Variants in PTPRD observed in about 807,000 individuals in gnomAD.
The protein encoded by PTPRD is protein tyrosine phosphatase receptor type D.
PTPRD carries 34 observed loss-of-function variants against 214.5 expected under a neutral mutation model. The observed-to-expected ratio is 0.16, with a 90% CI of 0.12 to 0.21. The LOEUF is 0.21. PTPRD is among the 10% of genes least tolerant of loss of function. PTPRD has a pLI of 1.00. For missense variants in PTPRD, 2,545 were observed against 2,398.7 expected, an observed-to-expected ratio of 1.06 and a Z score of -1.27; for synonymous variants, 1,128 against 845.7, an observed-to-expected ratio of 1.33 and a Z score of -5.79.
At chr9:8,453,366 G>C (rs532307626) in intron 33 of PTPRD, among the ~76,000 whole-genome samples, 1 of 151,784 alleles carries the variant, frequency 6.6e-6, no homozygotes, top group Non-Finnish European at 1.5e-5. Context: ...TGGTTTCGCC[G>C]TGTTAGTCAG....
intron 7 of PTPRD, among the ~76,000 whole-genome samples, chr9:9,600,583 A>G (rs540630689): frequency 6.6e-6 from 1 of 152,240 alleles, no homozygotes; most frequent in South Asian, 2.1e-4. Context: ...TAGTTTGGGT[A>G]TCTGTCTGTC....
At chr9:10,553,587 A>C (rs2061826019) in intron 2 of PTPRD, among the ~76,000 whole-genome samples, 3 of 152,140 alleles carry the variant, frequency 2.0e-5, no homozygotes, top group African/African-American at 7.2e-5. Context: ...AAATCATTTC[A>C]TATGCAACTG....
chr9:9,545,596 C>T (rs547181842), intron 8 of PTPRD, among the ~76,000 whole-genome samples: 3 of 151,750 alleles, frequency 2.0e-5, no homozygotes, highest in Non-Finnish European at 4.4e-5. Context: ...TTTGCATGGA[C>T]CAAAATTTTT....
intron 9 of PTPRD, among the ~76,000 whole-genome samples, chr9:9,217,572 C>G (rs2099953128): frequency 6.6e-6 from 1 of 152,158 alleles, no homozygotes; most frequent in Non-Finnish European, 1.5e-5. Context: ...AGGACTCCAT[C>G]TACACAGCTA....
rs187386884 is a variant in PTPRD, at chr9:8,732,720, C to A, written c.64+1060G>T. Among the ~76,000 whole-genome samples the A allele has an allele frequency of 3.3e-5, 5 of 152,224 alleles. No individual in the cohort carries two copies. The East Asian group carries it at 7.7e-4, about 23-fold the overall frequency. On this transcript the variant is annotated intron_variant, in intron 12 of 45. Transcript: ENST00000381196. ...GTTATTCCTTTCACTTCTCAAAATA[C>A]CTCTTTAGAAAATAGAGCTCCTATT...
chr9:10,582,847 G>T (rs10809124), intron 2 of PTPRD, among the ~76,000 whole-genome samples: 25,805 of 152,138 alleles, frequency 0.17, 2,611 homozygotes, highest in South Asian at 0.25. Flanking sequence ...AACTAACCTA[G>T]AAAACTACGT....
chr9:9,601,154 G>C (rs932608339), intron 7 of PTPRD, among the ~76,000 whole-genome samples: 10 of 94,194 alleles, frequency 1.1e-4, no homozygotes, highest in Admixed American at 7.7e-4. Flanking sequence ...TGTGTGTATG[G>C]GGGGGGGAGA....
chr9:10,571,755 C>G (rs1212070088), intron 2 of PTPRD, among the ~76,000 whole-genome samples: 2 of 152,178 alleles, frequency 1.3e-5, no homozygotes, highest in African/African-American at 4.8e-5. Context: ...ATTGTTCCAC[C>G]TCAGATCATC....
intron 10 of PTPRD, among the ~76,000 whole-genome samples, chr9:9,095,389 G>T (rs2099782037): frequency 6.6e-6 from 1 of 152,164 alleles, no homozygotes; most frequent in African/African-American, 2.4e-5. Flanking sequence ...TTGAACTAGG[G>T]TTGCAGAATA....
At chr9:9,083,793 T>A (rs953219846) in intron 10 of PTPRD, among the ~76,000 whole-genome samples, 1 of 151,872 alleles carries the variant, frequency 6.6e-6, no homozygotes, top group Non-Finnish European at 1.5e-5. Context: ...CCAAAAAACA[T>A]ATGAAAAAAA....
Position 10,183,028 on chromosome 9 carries a change from G to C in PTPRD, c.-544-149238C>G, listed in dbSNP as rs1000868075. On this transcript the variant is annotated intron_variant, in intron 3 of 45. Coordinates refer to ENST00000381196, the MANE Select transcript of PTPRD (RefSeq NM_002839.4). ...TCTCTTGCTGTCTACATTTTAAAAA[G>C]GTAAGTGGGGATAATAATGATTTTA... 6.6e-5 allele frequency among the ~76,000 whole-genome samples: 10 copies of C among 152,136 alleles called. No homozygotes were observed. The East Asian group carries it at 1.9e-3, about 29-fold the overall frequency.
intron 9 of PTPRD, among the ~76,000 whole-genome samples, chr9:9,285,915 T>C (rs1197492471): frequency 6.6e-6 from 1 of 151,776 alleles, no homozygotes; most frequent in Non-Finnish European, 1.5e-5. Flanking sequence ...AATTAGTGTA[T>C]CTTCTCAGTC....
At chr9:8,759,221 T>G (rs2094240118) in intron 11 of PTPRD, among the ~76,000 whole-genome samples, 1 of 152,052 alleles carries the variant, frequency 6.6e-6, no homozygotes, top group Admixed American at 6.6e-5. Flanking sequence ...AAGGTTTAAC[T>G]TTTTTATTTT....
intron 9 of PTPRD, among the ~76,000 whole-genome samples, chr9:9,264,014 C>T (rs774508407): frequency 2.9e-4 from 44 of 151,650 alleles, no homozygotes; most frequent in Admixed American, 2.8e-3. Context: ...GAAACCCTAA[C>T]CAGTTTGTTT....
intron 11 of PTPRD, among the ~76,000 whole-genome samples, chr9:8,969,485 T>C (rs1267405729): frequency 1.3e-5 from 2 of 152,086 alleles, no homozygotes; most frequent in East Asian, 1.9e-4. Context: ...AATGTAATAG[T>C]TTCATATTAT....
chr9:10,438,283 C>T (rs2098735796), intron 2 of PTPRD, among the ~76,000 whole-genome samples: 1 of 151,344 alleles, frequency 6.6e-6, no homozygotes, highest in Non-Finnish European at 1.5e-5. Context: ...TGTCAAGGAG[C>T]ATCTGGAATT....
intron 44 of PTPRD, among the ~76,000 whole-genome samples, chr9:8,328,399 T>A (rs1179721699): frequency 1.3e-5 from 2 of 152,190 alleles, no homozygotes; most frequent in Non-Finnish European, 2.9e-5. Context: ...GTTAGTCTGA[T>A]GTGCTTCCCT....
intron 12 of PTPRD, among the ~76,000 whole-genome samples, chr9:8,664,637 G>C (rs1271561008): frequency 6.6e-6 from 1 of 152,164 alleles, no homozygotes; most frequent in African/African-American, 2.4e-5. Flanking sequence ...GATAGCTCTG[G>C]TGTTTATGGT....
At chr9:10,145,766 A>G (rs1446346595) in intron 3 of PTPRD, among the ~76,000 whole-genome samples, 1 of 152,154 alleles carries the variant, frequency 6.6e-6, no homozygotes, top group Non-Finnish European at 1.5e-5. Context: ...ACAGACATGT[A>G]TAACAGAAAA....
Sources: gnomAD v4.1 joint callset for allele counts (sites outside exome capture counted in the v4.1 genomes callset) on GRCh38, gnomAD v4.1.1 for gene constraint, MANE v1.5 for transcripts, NCBI Gene and HGNC (gene_info 2026-07-23, HGNC 2026-07-21) for gene names.